Variants in DCDC1 observed in about 807,000 individuals in gnomAD.
The protein encoded by DCDC1 is doublecortin domain-containing protein 1.
In DCDC1, 200 loss-of-function variants were observed where a neutral mutation model predicts 178.3. The ratio of observed to expected loss-of-function variants is 1.12; its 90% CI spans 1.00 to 1.26. DCDC1 has a LOEUF of 1.26. Among genes scored for constraint, DCDC1 ranks in the 50% most tolerant of loss-of-function variants. The probability of loss-of-function intolerance (pLI) is 0.00; values close to 1 mark genes in which losing one functional copy is unlikely to be tolerated. For missense variants in DCDC1, 1,983 were observed against 1,749.2 expected, an observed-to-expected ratio of 1.13 and a Z score of -2.38; for synonymous variants, 690 against 604.8, an observed-to-expected ratio of 1.14 and a Z score of -2.07.
At position 31,027,254 on chromosome 11, in the gene DCDC1, T is replaced by G. The variant is rs76695233; in HGVS notation, c.2591+37215A>C. Among the ~76,000 whole-genome samples, 1,320 of 151,972 alleles carry G rather than the reference T, an allele frequency of 8.7e-3. 27 individuals carry two copies. Among genetic ancestry groups the G allele is most frequent in the African/African-American group, 0.03 (1,241 of 41,540 alleles). On this transcript the variant is annotated intron_variant, in intron 20 of 38. Transcript: ENST00000684477. The stretch of plus-strand genomic sequence containing the variant: ...TATTTAAGGACTAGAAACTTCTGTT[T>G]CCTTATAGTCAAATGATATCTCTTC...
intron 18 of DCDC1, among the ~76,000 whole-genome samples, chr11:31,074,483 TG>T (rs1447844468): frequency 6.6e-6 from 1 of 152,152 alleles, no homozygotes; most frequent in Non-Finnish European, 1.5e-5. Flanking sequence ...CAAGGGAGTT[TG>T]TTCAATCCTT....
rs192889962 is a variant in DCDC1, at chr11:31,157,398, C to T, written c.1222-19614G>A. 9.0e-4 allele frequency among the ~76,000 whole-genome samples: 122 copies of T among 134,816 alleles called. 3 individuals carry two copies. In the South Asian group the frequency reaches 0.017, roughly 19 times the overall value. The allele number at this position is 134,816 out of a possible 152,430, so 88.4% of individuals were successfully genotyped here. ...ATATATATATATATACATATATATA[C>T]ACACACACACACATATATATACACA... On this transcript the variant is annotated intron_variant, in intron 9 of 38. Coordinates refer to ENST00000684477, the MANE Select transcript of DCDC1 (RefSeq NM_001387274.1).
chr11:31,328,350 G>GA lies in DCDC1; in HGVS notation c.-6-65_-6-64insT, dbSNP rs1216295789. 7.6e-6 allele frequency: 11 copies of GA among 1,452,102 alleles called. No individual in the cohort carries two copies. The Middle Eastern group carries it at 7.8e-4, about 104-fold the overall frequency. 90.0% of individuals were successfully genotyped at this position (1,452,102 alleles called of 1,614,324 possible). ...AAATCCTACTAGATTACAAATAGAGGCTGGGCATTAAACACAACTTACTTG... is the reference window on the plus strand; with the variant it reads ...AAATCCTACTAGATTACAAATAGAGGACTGGGCATTAAACACAACTTACTTG... On this transcript the variant is annotated intron_variant, in intron 2 of 38. Transcript: ENST00000684477.
At chr11:31,267,193 ATTT>A (rs397848314) in intron 7 of DCDC1, among the ~76,000 whole-genome samples, 1 of 147,600 alleles carries the variant, frequency 6.8e-6, no homozygotes, top group Non-Finnish European at 1.5e-5. Context: ...TGTTATAGGA[ATTT>A]TTTTTTTTTT....
chr11:30,972,373 C>A (rs974954859), intron 20 of DCDC1, among the ~76,000 whole-genome samples: 13 of 152,084 alleles, frequency 8.5e-5, no homozygotes, highest in African/African-American at 2.9e-4. Flanking sequence ...AGAAAAGTTA[C>A]CCTTCATTAA....
intron 18 of DCDC1, among the ~76,000 whole-genome samples, chr11:31,075,014 T>C (rs955179686): frequency 6.6e-6 from 1 of 152,202 alleles, no homozygotes; most frequent in African/African-American, 2.4e-5. Context: ...TTGAATGATA[T>C]ATATTGCATC....
In DCDC1 at chr11:31,094,064, A is replaced by T. The variant is rs772331535; in HGVS notation, c.2104T>A (p.Trp702Arg). 9 of 766,220 alleles carry T rather than the reference A, an allele frequency of 1.2e-5. No homozygotes were observed. Among genetic ancestry groups the T allele is most frequent in the Non-Finnish European group, 2.2e-5 (9 of 417,780 alleles). The allele number at this position is 766,220 out of a possible 1,614,324, so 47.5% of individuals were successfully genotyped here. The stretch of plus-strand genomic sequence containing the variant: ...CTCTTAGGTACCTTGGTGATCAGCC[A>T]CACACTGGCTACAGGCCACAGGATC... ...PSILWPVASV[W>R]LITKTGMILS... Residue 702 changes from tryptophan (W) to arginine (R), a missense_variant, in exon 16 of 39, where the codon TGG (tryptophan) becomes AGG (arginine). Trp to Arg is a moderately radical substitution (Grantham distance 101). Coordinates refer to ENST00000684477, the MANE Select transcript of DCDC1 (RefSeq NM_001387274.1).
rs974879703 is a variant in DCDC1, at chr11:31,190,215, CTTA to C, written c.1221+51232_1221+51234del. Among the ~76,000 whole-genome samples the C allele has an allele frequency of 3.3e-5, 5 of 152,194 alleles. No individual in the cohort carries two copies. The East Asian group carries it at 9.7e-4, about 30-fold the overall frequency. On this transcript the variant is annotated intron_variant, in intron 9 of 38. Transcript: ENST00000684477. ...TGTTAGTTACATGCAAGGTGCCTAA[CTTA>C]TTATATTATCTGATCATCCAAACAA...
At chr11:31,246,276 A>T (rs1943558661) in intron 8 of DCDC1, among the ~76,000 whole-genome samples, 1 of 152,066 alleles carries the variant, frequency 6.6e-6, no homozygotes, top group African/African-American at 2.4e-5. Flanking sequence ...CATTTCAGTC[A>T]GAGTACATGA....
intron 20 of DCDC1, among the ~76,000 whole-genome samples, chr11:31,016,694 T>C (rs1235835324): frequency 6.6e-6 from 1 of 152,134 alleles, no homozygotes; most frequent in Non-Finnish European, 1.5e-5. Context: ...CACCAAGGCA[T>C]GTGTCATGGG....
In DCDC1 at chr11:30,975,031, C is replaced by T. The variant is rs183866986; in HGVS notation, c.2592-22463G>A. On this transcript the variant is annotated intron_variant, in intron 20 of 38. Transcript: ENST00000684477. ...TTAAAAAGATAACACACCACAATCA[C>T]GTGGGATTTATTTCAGGGATTCAAG... Among the ~76,000 whole-genome samples the T allele has an allele frequency of 1.4e-3, 220 of 152,032 alleles. 1 individual carries two copies. Among genetic ancestry groups the T allele is most frequent in the African/African-American group, 4.7e-3 (194 of 41,524 alleles).
At chr11:30,868,402 C>G (rs948032572) in intron 38 of DCDC1, among the ~76,000 whole-genome samples, 3 of 151,916 alleles carry the variant, frequency 2.0e-5, no homozygotes, top group Non-Finnish European at 2.9e-5. Flanking sequence ...AAGTGCCCAC[C>G]ACCACACGTG....
intron 21 of DCDC1, chr11:30,943,795 T>C (rs982272060): frequency 6.1e-6 from 2 of 327,982 alleles, no homozygotes; most frequent in African/African-American, 2.2e-5. Flanking sequence ...AAAAATATTA[T>C]CAATTGCCTT....
intron 20 of DCDC1, among the ~76,000 whole-genome samples, chr11:31,040,103 T>C: frequency 6.6e-6 from 1 of 151,682 alleles, no homozygotes; most frequent in East Asian, 1.9e-4. Flanking sequence ...AAGACAGAAA[T>C]ATGGTTATGC....
intron 36 of DCDC1, among the ~76,000 whole-genome samples, chr11:30,888,652 G>C (rs1364347364): frequency 6.6e-6 from 1 of 152,114 alleles, no homozygotes; most frequent in Non-Finnish European, 1.5e-5. Flanking sequence ...AGGAGGCGGA[G>C]GTTTCAGTGA....
At chr11:31,344,874 T>C (rs1379363391) in intron 1 of DCDC1, among the ~76,000 whole-genome samples, 2 of 152,210 alleles carry the variant, frequency 1.3e-5, no homozygotes, top group Non-Finnish European at 2.9e-5. Context: ...AGTCTCTATT[T>C]CTCATTTTAC....
chr11:31,237,312 T>C (rs990706388), intron 9 of DCDC1, among the ~76,000 whole-genome samples: 12 of 151,924 alleles, frequency 7.9e-5, no homozygotes, highest in African/African-American at 2.9e-4. Flanking sequence ...TCAAGCTAGA[T>C]GGTTATTTCC....
intron 20 of DCDC1, among the ~76,000 whole-genome samples, chr11:31,060,899 GA>G (rs1360567222): frequency 2.6e-5 from 4 of 152,086 alleles, no homozygotes; most frequent in Admixed American, 6.5e-5. Flanking sequence ...CATTTTAATT[GA>G]AAAAAAGTCA....
At chr11:31,135,803 A>G (rs1963056708) in intron 10 of DCDC1, among the ~76,000 whole-genome samples, 1 of 152,156 alleles carries the variant, frequency 6.6e-6, no homozygotes, top group Non-Finnish European at 1.5e-5. Context: ...AAAGATGATG[A>G]TAACAAAGAA....
Sources: gnomAD v4.1 joint callset for allele counts (sites outside exome capture counted in the v4.1 genomes callset) on GRCh38, gnomAD v4.1.1 for gene constraint, MANE v1.5 for transcripts, NCBI Gene and HGNC (gene_info 2026-07-23, HGNC 2026-07-21) for gene names.